The following ADAM10 variants were observed in gnomAD, a reference collection of about 807,000 sequenced individuals.
ADAM10 encodes the protein disintegrin and metalloproteinase domain-containing protein 10.
A neutral mutation model predicts 90.1 loss-of-function variants in ADAM10; 17 were observed. The observed-to-expected ratio is 0.19, with a 90% CI of 0.13 to 0.28. The LOEUF (loss-of-function observed/expected upper bound fraction) is 0.28. ADAM10 is among the 10% of genes least tolerant of loss of function. The pLI, the probability that ADAM10 is intolerant of heterozygous loss-of-function variation, is 1.00. For missense variants in ADAM10, 610 were observed against 914.3 expected, an observed-to-expected ratio of 0.67 and a Z score of 4.29; for synonymous variants, 310 against 298.6, an observed-to-expected ratio of 1.04 and a Z score of -0.40.
intron 1 of ADAM10, among the ~76,000 whole-genome samples, chr15:58,745,984 G>A (rs1193417483): frequency 6.6e-6 from 1 of 152,172 alleles, no homozygotes; most frequent in Non-Finnish European, 1.5e-5. Context: ...TAAAGACACT[G>A]TGAATAAAAC....
At chr15:58,676,504 T>C (rs1329676619) in intron 4 of ADAM10, among the ~76,000 whole-genome samples, 1 of 152,234 alleles carries the variant, frequency 6.6e-6, no homozygotes, top group Non-Finnish European at 1.5e-5. Context: ...TTATTAAATT[T>C]AGTGAGCCCT....
Position 58,593,213 on chromosome 15 carries a change from T to C in ADAM10, c.*4334A>G, listed in dbSNP as rs549711687. On this transcript the variant is annotated 3_prime_UTR_variant, in exon 16 of 16. Transcript: ENST00000260408. Reference sequence around the variant, plus strand: ...TTTTTTTTTTGAGACAGAGTCTCGCTCTGTCACCCAGGCTGGAGTGCAATG... The same window carrying C: ...TTTTTTTTTTGAGACAGAGTCTCGCCCTGTCACCCAGGCTGGAGTGCAATG... 1 of 122,248 alleles carries C rather than the reference T, an allele frequency of 8.2e-6. No homozygotes were observed. Among genetic ancestry groups the C allele is most frequent in the African/African-American group, 3.1e-5 (1 of 31,884 alleles). 7.6% of individuals were successfully genotyped at this position (122,248 alleles called of 1,614,324 possible).
intron 14 of ADAM10, among the ~76,000 whole-genome samples, chr15:58,603,876 T>TA (rs34718794): frequency 0.12 from 8,249 of 71,516 alleles, 541 homozygotes; most frequent in Non-Finnish European, 0.15. Flanking sequence ...GGTCCAGGGT[T>TA]AAAAAAAAAA....
chr15:58,643,578 T>C (rs1333947122), intron 7 of ADAM10, among the ~76,000 whole-genome samples: 3 of 152,192 alleles, frequency 2.0e-5, no homozygotes, highest in Admixed American at 6.5e-5. Flanking sequence ...TCAAGCACTA[T>C]AGCCATAGTT....
intron 4 of ADAM10, among the ~76,000 whole-genome samples, chr15:58,667,362 G>C (rs1196019014): frequency 6.6e-6 from 1 of 152,108 alleles, no homozygotes; most frequent in Non-Finnish European, 1.5e-5. Context: ...TTACAGTTCA[G>C]ATTCTCTGTC....
At chr15:58,728,074 AAGAT>A (rs1268503063) in intron 1 of ADAM10, among the ~76,000 whole-genome samples, 2 of 152,258 alleles carry the variant, frequency 1.3e-5, no homozygotes, top group East Asian at 3.8e-4. Context: ...AACAGTCACA[AAGAT>A]AGACCTTAAT....
chr15:58,625,131 A>C (rs1170186519), intron 10 of ADAM10, among the ~76,000 whole-genome samples: 2 of 152,200 alleles, frequency 1.3e-5, no homozygotes, highest in African/African-American at 4.8e-5. Context: ...AGATAATGCC[A>C]ATCAATACAA....
chr15:58,637,241 G>A (rs533567617), intron 8 of ADAM10, among the ~76,000 whole-genome samples: 1 of 152,230 alleles, frequency 6.6e-6, no homozygotes, highest in Non-Finnish European at 1.5e-5. Context: ...TGCCTCAAAA[G>A]ATGTTCTTCA....
At position 58,693,131 on chromosome 15, in the gene ADAM10, G is replaced by A. The variant is rs112635599; in HGVS notation, c.207-10817C>T. On this transcript the variant is annotated intron_variant, in intron 2 of 15. Transcript: ENST00000260408. ...GTATTGATTATGAGAGACATGAGTT[G>A]GGCAATTTCTGCCTAAAAGGCAAAA... The A allele has an allele frequency of 1.2e-3, 859 of 737,694 alleles. 12 individuals carry two copies. In the African/African-American group the frequency reaches 0.013, roughly 11 times the overall value. The allele number at this position is 737,694 out of a possible 1,614,324, so 45.7% of individuals were successfully genotyped here.
intron 14 of ADAM10, among the ~76,000 whole-genome samples, chr15:58,603,742 A>C (rs1481483354): frequency 6.6e-6 from 1 of 152,078 alleles, no homozygotes; most frequent in Non-Finnish European, 1.5e-5. Context: ...AAAAGCAAAA[A>C]CTTGAGCACA....
intron 9 of ADAM10, 37 bp from the exon 10 acceptor site, chr15:58,627,920 TA>T: frequency 6.3e-7 from 1 of 1,599,620 alleles, no homozygotes; most frequent in Non-Finnish European, 8.5e-7. Context: ...AAACAGGAAG[TA>T]AAATAAGGTT....
At chr15:58,688,907 TA>T (rs1313096216) in intron 2 of ADAM10, among the ~76,000 whole-genome samples, 67 of 131,330 alleles carry the variant, frequency 5.1e-4, no homozygotes, top group Non-Finnish European at 8.6e-4. Context: ...ATAAAGAGTT[TA>T]AAAAAAAAAA....
intron 5 of ADAM10, among the ~76,000 whole-genome samples, chr15:58,664,121 T>A (rs1180726558): frequency 6.6e-6 from 1 of 152,066 alleles, no homozygotes; most frequent in Admixed American, 6.6e-5. Context: ...CTGTTCCTCC[T>A]GCTTGGAATA....
chr15:58,707,239 C>G (rs776831720), intron 2 of ADAM10: 3 of 151,434 alleles, frequency 2.0e-5, no homozygotes, highest in Non-Finnish European at 4.4e-5. Context: ...CAAAAATTAG[C>G]CGGGCGTGGT....
chr15:58,656,920 G>A (rs1295841714), intron 5 of ADAM10, among the ~76,000 whole-genome samples: 1 of 152,166 alleles, frequency 6.6e-6, no homozygotes, highest in Non-Finnish European at 1.5e-5. Context: ...CTCTGGGAAA[G>A]TTTTTATTTC....
At chr15:58,695,473 T>A (rs573237875) in intron 2 of ADAM10, among the ~76,000 whole-genome samples, 1 of 152,260 alleles carries the variant, frequency 6.6e-6, no homozygotes, top group South Asian at 2.1e-4. Flanking sequence ...AAAATCATTA[T>A]CATATTTACA....
intron 11 of ADAM10, among the ~76,000 whole-genome samples, chr15:58,620,280 A>G (rs558228332): frequency 6.6e-6 from 1 of 152,238 alleles, no homozygotes; most frequent in African/African-American, 2.4e-5. Flanking sequence ...AACTTGGCCA[A>G]CATAGTGAAA....
In ADAM10 at chr15:58,716,236, C is replaced by T. The variant is rs989071240; in HGVS notation, c.206+1341G>A. 4.6e-5 allele frequency among the ~76,000 whole-genome samples: 7 copies of T among 152,214 alleles called. No individual in the cohort carries two copies. In the South Asian group the frequency reaches 8.3e-4, roughly 18 times the overall value. ...TTTCATCCATTAAAATGTTTAAGCA[C>T]GTGTACCATATGTGCAATATAATGG... On this transcript the variant is annotated intron_variant, in intron 2 of 15. Coordinates refer to ENST00000260408, the MANE Select transcript of ADAM10 (RefSeq NM_001110.4).
intron 4 of ADAM10, among the ~76,000 whole-genome samples, chr15:58,677,721 T>C (rs1156880465): frequency 6.6e-6 from 1 of 152,200 alleles, no homozygotes; most frequent in African/African-American, 2.4e-5. Flanking sequence ...AGATTACGCT[T>C]TTCCTCTCCT....
Sources: allele counts gnomAD v4.1 joint callset (sites outside exome capture counted in the v4.1 genomes callset), GRCh38; gene constraint gnomAD v4.1.1; transcripts MANE v1.5; gene names NCBI Gene and HGNC (gene_info 2026-07-23, HGNC 2026-07-21).